Variants in CDH8 observed in about 807,000 individuals in gnomAD.
CDH8 encodes cadherin-8.
In CDH8, 17 loss-of-function variants were observed where a neutral mutation model predicts 68.1. The ratio of observed to expected loss-of-function variants is 0.25; its 90% CI spans 0.17 to 0.37. The LOEUF (loss-of-function observed/expected upper bound fraction) is 0.37. CDH8 is among the 10% of genes least tolerant of loss of function. CDH8 has a pLI of 1.00. For synonymous variants in CDH8, 372 were observed against 365.1 expected (o/e 1.02, Z -0.21); for missense variants, 763 against 999.3 (o/e 0.76, Z 3.19).
chr16:61,975,579 T>C (rs16964118), intron 2 of CDH8, among the ~76,000 whole-genome samples: 16,865 of 152,124 alleles, frequency 0.11, 1,297 homozygotes, highest in African/African-American at 0.21. Flanking sequence ...ATAGCAGGAA[T>C]ACAATAGTTT....
intron 1 of CDH8, among the ~76,000 whole-genome samples, chr16:62,024,674 A>G (rs914083766): frequency 3.9e-5 from 6 of 152,192 alleles, no homozygotes; most frequent in African/African-American, 1.4e-4. Flanking sequence ...TAAAAAGGGG[A>G]TACGTGTGTA....
chr16:61,886,781 G>A (rs1963681195), intron 3 of CDH8, among the ~76,000 whole-genome samples: 1 of 152,196 alleles, frequency 6.6e-6, no homozygotes, highest in Non-Finnish European at 1.5e-5. Flanking sequence ...ACTTGGAAAG[G>A]TACTGTTTCC....
chr16:61,851,437 G>A (rs1259640934), intron 4 of CDH8, among the ~76,000 whole-genome samples: 2 of 152,016 alleles, frequency 1.3e-5, no homozygotes, highest in Non-Finnish European at 2.9e-5. Flanking sequence ...AGGCTGTTCT[G>A]AAACTTTACC....
At chr16:62,028,954 G>A (rs1334125117) in intron 1 of CDH8, among the ~76,000 whole-genome samples, 1 of 152,182 alleles carries the variant, frequency 6.6e-6, no homozygotes, top group African/African-American at 2.4e-5. Flanking sequence ...CAATCAATCA[G>A]AATCAACCTT....
intron 8 of CDH8, among the ~76,000 whole-genome samples, chr16:61,772,146 A>T (rs1016012678): frequency 6.6e-6 from 1 of 151,992 alleles, no homozygotes; most frequent in Non-Finnish European, 1.5e-5. Context: ...CAAATGTTAA[A>T]TTCCTAACTC....
chr16:61,760,510 A>C (rs1341301062), intron 8 of CDH8, among the ~76,000 whole-genome samples: 1 of 151,712 alleles, frequency 6.6e-6, no homozygotes, highest in Non-Finnish European at 1.5e-5. Context: ...ACAGGGCTTC[A>C]CCATGTTGAC....
intron 10 of CDH8, among the ~76,000 whole-genome samples, chr16:61,681,238 C>T (rs905413021): frequency 6.6e-6 from 1 of 151,836 alleles, no homozygotes; most frequent in Non-Finnish European, 1.5e-5. Flanking sequence ...TTTATAGAAG[C>T]ATTATTCACA....
At chr16:61,736,894 T>C (rs758854477) in intron 8 of CDH8, among the ~76,000 whole-genome samples, 98 of 152,286 alleles carry the variant, frequency 6.4e-4, no homozygotes, top group Admixed American at 1.4e-3. Flanking sequence ...TTAACATTCA[T>C]TAAAGATTAA....
At chr16:61,969,301 A>G (rs1483766922) in intron 2 of CDH8, among the ~76,000 whole-genome samples, 1 of 152,256 alleles carries the variant, frequency 6.6e-6, no homozygotes, top group Non-Finnish European at 1.5e-5. Context: ...AAACCACTTC[A>G]GAAAGCTAAC....
chr16:61,857,018 G>C (rs1963059677), intron 4 of CDH8, 101 bp downstream of exon 4: 1 of 1,327,722 alleles, frequency 7.5e-7, no homozygotes, highest in Non-Finnish European at 1.1e-6. Context: ...GATGCAGGCA[G>C]TGAAGTACTT....
chr16:61,918,405 C>A (rs930712146), intron 2 of CDH8: 3 of 154,754 alleles, frequency 1.9e-5, no homozygotes, highest in Non-Finnish European at 4.3e-5. Context: ...CTGAGGTACC[C>A]GGTTCATCTC....
intron 8 of CDH8, among the ~76,000 whole-genome samples, chr16:61,781,784 G>A (rs1480599768): frequency 6.6e-6 from 1 of 152,144 alleles, no homozygotes; most frequent in East Asian, 1.9e-4. Context: ...CTTCAACATG[G>A]TAAATTACTA....
At chr16:61,753,602 A>C (rs1960228901) in intron 8 of CDH8, among the ~76,000 whole-genome samples, 1 of 152,108 alleles carries the variant, frequency 6.6e-6, no homozygotes. Context: ...CACTTAAACA[A>C]TTTTTATTCA....
intron 3 of CDH8, among the ~76,000 whole-genome samples, chr16:61,864,154 G>A (rs2164508): frequency 0.3 from 46,270 of 151,996 alleles, 7,449 homozygotes; most frequent in African/African-American, 0.41. Context: ...TTCTGGTCCT[G>A]GATGTTTTAA....
chr16:61,740,181 A>G (rs1195108907), intron 8 of CDH8, among the ~76,000 whole-genome samples: 3 of 151,686 alleles, frequency 2.0e-5, no homozygotes, highest in Non-Finnish European at 4.4e-5. Context: ...GCTGGGATTA[A>G]GGGGTGAGCC....
intron 7 of CDH8, among the ~76,000 whole-genome samples, chr16:61,808,732 T>C (rs889760878): frequency 1.3e-5 from 2 of 152,234 alleles, no homozygotes; most frequent in African/African-American, 4.8e-5. Context: ...ACTGTTCAAC[T>C]TACTGATGGA....
chr16:61,842,341 A>T (rs1962705657), intron 4 of CDH8, among the ~76,000 whole-genome samples: 1 of 152,080 alleles, frequency 6.6e-6, no homozygotes, highest in Admixed American at 6.6e-5. Flanking sequence ...GGAAAGAATA[A>T]ATGCCATTAT....
chr16:61,681,055 A>T (rs1444535467), intron 10 of CDH8, among the ~76,000 whole-genome samples: 4 of 151,952 alleles, frequency 2.6e-5, no homozygotes, highest in South Asian at 4.1e-4. Context: ...GAGAAATTGG[A>T]TCACTCTTAC....
intron 3 of CDH8, among the ~76,000 whole-genome samples, chr16:61,884,385 T>C (rs1963633594): frequency 6.6e-6 from 1 of 151,824 alleles, no homozygotes; most frequent in Non-Finnish European, 1.5e-5. Context: ...TTTTTTTTTT[T>C]TTTTTGGAGA....
Sources: allele counts gnomAD v4.1 joint callset (sites outside exome capture counted in the v4.1 genomes callset), GRCh38; gene constraint gnomAD v4.1.1; transcripts MANE v1.5; gene names NCBI Gene and HGNC (gene_info 2026-07-23, HGNC 2026-07-21).